Variants in MLLT3 observed in about 807,000 individuals in gnomAD.
The protein encoded by MLLT3 is MLLT3 super elongation complex subunit.
A neutral mutation model predicts 53.2 loss-of-function variants in MLLT3; 4 were observed. That is an observed-to-expected ratio of 0.08 (90% CI 0.04 to 0.17). The LOEUF (loss-of-function observed/expected upper bound fraction) is 0.17, where lower values mean the gene tolerates loss of function less well. MLLT3 is among the 10% of genes least tolerant of loss of function. The pLI, the probability that MLLT3 is intolerant of heterozygous loss-of-function variation, is 1.00. For synonymous variants in MLLT3, 283 were observed against 230.6 expected (o/e 1.23, Z -2.06); for missense variants, 569 against 684.0 (o/e 0.83, Z 1.87).
At chr9:20,573,513 T>C (rs1819583968) in intron 2 of MLLT3, among the ~76,000 whole-genome samples, 1 of 151,756 alleles carries the variant, frequency 6.6e-6, no homozygotes, top group Non-Finnish European at 1.5e-5. Flanking sequence ...TAAGACATAA[T>C]ACAAATAAAA....
rs190732356 is a variant in MLLT3 at position 20,590,386 on chromosome 9, C to G, written c.193+30268G>C. ...CTTGAATTGTAATCCCTATGAATCT[C>G]CACATGCGGAGGCAGGGCCCCAGTC... On this transcript the variant is annotated intron_variant, in intron 2 of 10. Transcript: ENST00000380338. Among the ~76,000 whole-genome samples, 638 of 152,292 alleles carry G rather than the reference C, an allele frequency of 4.2e-3. 4 individuals carry two copies. Among genetic ancestry groups the G allele is most frequent in the Middle Eastern group, 0.014 (4 of 294 alleles).
In MLLT3 at chr9:20,620,252, A is replaced by AAC. The variant is rs60526002; in HGVS notation, c.193+400_193+401dup. On this transcript the variant is annotated intron_variant, in intron 2 of 10. Transcript: ENST00000380338. This position sits in a 1 kb window ranked among gnomAD's most constrained non-coding sequence, Gnocchi z 6.1. ...AGGTAAATCTTAATTTCTCTAGGAA[A>AAC]ACACACACACACACACACACACACA... is the stretch of plus-strand genomic sequence containing the variant. 0.032 allele frequency among the ~76,000 whole-genome samples: 4,605 copies of AAC among 142,506 alleles called. 99 individuals are homozygous for AAC. The highest frequency in any genetic ancestry group is 0.044 in the Non-Finnish European group (2,885 of 65,230). 93.5% of individuals were successfully genotyped at this position (142,506 alleles called of 152,430 possible).
intron 3 of MLLT3, among the ~76,000 whole-genome samples, chr9:20,455,304 G>A (rs894988810): frequency 2.0e-5 from 3 of 152,210 alleles, no homozygotes; most frequent in Non-Finnish European, 4.4e-5. Flanking sequence ...CCTAGATCAC[G>A]AATCTGGTTT....
chr9:20,536,870 C>T (rs1315137409), intron 2 of MLLT3, among the ~76,000 whole-genome samples: 1 of 151,362 alleles, frequency 6.6e-6, no homozygotes, highest in Non-Finnish European at 1.5e-5. Flanking sequence ...AAAAAACTGC[C>T]AACAAGCACA....
Position 20,343,351 on chromosome 9 carries a change from T to C in MLLT3, c.*3092A>G, listed in dbSNP as rs936992882. 1.8e-4 allele frequency: 37 copies of C among 211,234 alleles called. No homozygotes were observed. Among genetic ancestry groups the C allele is most frequent in the Non-Finnish European group, 2.9e-5 (3 of 104,334 alleles). The allele number at this position is 211,234 out of a possible 1,614,324, so 13.1% of individuals were successfully genotyped here. On this transcript the variant is annotated 3_prime_UTR_variant, in exon 11 of 11. Coordinates refer to ENST00000380338, the MANE Select transcript of MLLT3 (RefSeq NM_004529.4). The stretch of plus-strand genomic sequence containing the variant: ...GACACTCTCTTAAGAGATATTTTTT[T>C]CCTGATCTGAAGTTTTTATAGTCTT...
intron 2 of MLLT3, among the ~76,000 whole-genome samples, chr9:20,474,904 A>G (rs1159283218): frequency 3.3e-5 from 5 of 152,252 alleles, no homozygotes; most frequent in African/African-American, 9.6e-5. Flanking sequence ...AGTGTTCTAA[A>G]TATTGGAGGA....
chr9:20,494,161 A>G (rs1256858179), intron 2 of MLLT3, among the ~76,000 whole-genome samples: 3 of 152,188 alleles, frequency 2.0e-5, no homozygotes, highest in Non-Finnish European at 4.4e-5. Context: ...CACAATCATT[A>G]CAGCATATAA....
chr9:20,368,191 G>A (rs959831499), intron 5 of MLLT3, among the ~76,000 whole-genome samples: 4 of 152,184 alleles, frequency 2.6e-5, no homozygotes, highest in Non-Finnish European at 5.9e-5. Context: ...CATTTCTGTT[G>A]AGTGGCTCTT....
chr9:20,540,710 T>C (rs1000867676), intron 2 of MLLT3, among the ~76,000 whole-genome samples: 3 of 152,246 alleles, frequency 2.0e-5, no homozygotes, highest in African/African-American at 7.2e-5. Flanking sequence ...GAGGGGCTAC[T>C]GTGAAGGTCT....
At chr9:20,527,731 G>T (rs1042034038) in intron 2 of MLLT3, among the ~76,000 whole-genome samples, 4 of 152,156 alleles carry the variant, frequency 2.6e-5, no homozygotes, top group Non-Finnish European at 5.9e-5. Flanking sequence ...GTAATGTTTG[G>T]TCTTCTTATA....
intron 2 of MLLT3, among the ~76,000 whole-genome samples, chr9:20,614,916 C>G (rs1489720377): frequency 1.3e-4 from 6 of 47,918 alleles, no homozygotes; most frequent in Non-Finnish European, 4.1e-4. Context: ...AACAAAGGAC[C>G]TTTAAGGCAA....
At chr9:20,381,664 T>A (rs1244919814) in intron 5 of MLLT3, among the ~76,000 whole-genome samples, 1 of 151,938 alleles carries the variant, frequency 6.6e-6, no homozygotes, top group African/African-American at 2.4e-5. Context: ...TTTTAATGTA[T>A]AATTAAGGGC....
chr9:20,355,242 T>C (rs1277711949), intron 8 of MLLT3, among the ~76,000 whole-genome samples: 1 of 152,160 alleles, frequency 6.6e-6, no homozygotes, highest in African/African-American at 2.4e-5. Context: ...TGGCAAGAAT[T>C]TTTTTCCTAT....
intron 3 of MLLT3, among the ~76,000 whole-genome samples, chr9:20,452,198 T>C (rs1321860588): frequency 3.3e-5 from 5 of 152,234 alleles, no homozygotes; most frequent in Non-Finnish European, 7.3e-5. Flanking sequence ...CCATTTGATA[T>C]GGTTTGGCTG....
intron 5 of MLLT3, among the ~76,000 whole-genome samples, chr9:20,408,948 C>T (rs760136116): frequency 6.6e-6 from 1 of 151,990 alleles, no homozygotes; most frequent in Non-Finnish European, 1.5e-5. Context: ...TCGGAATCAC[C>T]ATCCACCCTT....
In MLLT3 at chr9:20,461,123, G is replaced by C. The variant is rs1480849447; in HGVS notation, c.194-4337C>G. On this transcript the variant is annotated intron_variant, in intron 2 of 10. Transcript: ENST00000380338. ...TTGTCTAATTAATCCCATGTACCAT[G>C]TAAGGTCTATTAGGATACTATAATG... 2.0e-5 allele frequency among the ~76,000 whole-genome samples: 3 copies of C among 152,184 alleles called. No homozygotes were observed. The East Asian group carries it at 5.8e-4, about 29-fold the overall frequency.
chr9:20,457,580 T>C (rs960282670), intron 2 of MLLT3, among the ~76,000 whole-genome samples: 2 of 152,024 alleles, frequency 1.3e-5, no homozygotes, highest in African/African-American at 4.8e-5. Flanking sequence ...GCCATCCTCT[T>C]TCCTTAGAAA....
In MLLT3 at chr9:20,390,517, T is replaced by C. The variant is rs542811389; in HGVS notation, c.1125+23204A>G. 2.6e-5 allele frequency among the ~76,000 whole-genome samples: 4 copies of C among 152,354 alleles called. No homozygotes were observed. The East Asian group carries it at 5.8e-4, about 22-fold the overall frequency. ...TGAATGCCTACTATGTGTCTAGAAATGTCTTAGCACACTGGACAAACAGTG... is the reference window on the plus strand; with the variant it reads ...TGAATGCCTACTATGTGTCTAGAAACGTCTTAGCACACTGGACAAACAGTG... On this transcript the variant is annotated intron_variant, in intron 5 of 10. Transcript: ENST00000380338.
intron 5 of MLLT3, among the ~76,000 whole-genome samples, chr9:20,402,344 G>A (rs552172322): frequency 6.6e-6 from 1 of 152,290 alleles, no homozygotes; most frequent in East Asian, 1.9e-4. Flanking sequence ...GAAAGGATAT[G>A]AAGGTGCCAT....
Sources: allele counts gnomAD v4.1 joint callset (sites outside exome capture counted in the v4.1 genomes callset), GRCh38; gene constraint gnomAD v4.1.1; non-coding constraint Gnocchi (gnomAD v3.1); transcripts MANE v1.5; gene names NCBI Gene and HGNC (gene_info 2026-07-23, HGNC 2026-07-21).